The following MCTP1 variants were observed in gnomAD, a reference collection of about 807,000 sequenced individuals.
The protein encoded by MCTP1 is multiple C2 and transmembrane domain-containing protein 1.
In MCTP1, 69 loss-of-function variants were observed where a neutral mutation model predicts 120.6. The observed-to-expected ratio is 0.57, with a 90% CI of 0.47 to 0.70. MCTP1 has a LOEUF of 0.70. MCTP1 is among the 30% of genes least tolerant of loss of function. MCTP1 has a pLI of 0.00. For missense variants in MCTP1, 1,203 were observed against 1,248.8 expected (o/e 0.96, Z 0.55); for synonymous variants, 529 against 493.1 (o/e 1.07, Z -0.96).
intron 19 of MCTP1, among the ~76,000 whole-genome samples, chr5:94,763,334 T>C (rs1046452639): frequency 6.6e-6 from 1 of 152,214 alleles, no homozygotes; most frequent in African/African-American, 2.4e-5. Context: ...GTCCAAAGCC[T>C]TCACAATCTT....
At chr5:94,906,107 AT>A (rs1399101226) in intron 10 of MCTP1, among the ~76,000 whole-genome samples, 1 of 152,152 alleles carries the variant, frequency 6.6e-6, no homozygotes, top group African/African-American at 2.4e-5. Context: ...GAATTGAACA[AT>A]GTGGTGGGCT....
At chr5:94,959,005 G>C (rs1461139279) in intron 2 of MCTP1, among the ~76,000 whole-genome samples, 1 of 152,162 alleles carries the variant, frequency 6.6e-6, no homozygotes, top group Non-Finnish European at 1.5e-5. Context: ...GATGAACATT[G>C]ATGTGAAAAT....
chr5:94,802,114 G>GA (rs1406925460), intron 17 of MCTP1, among the ~76,000 whole-genome samples: 2 of 152,122 alleles, frequency 1.3e-5, no homozygotes, highest in Non-Finnish European at 2.9e-5. Context: ...TCTGGCAATA[G>GA]AAAAACCATC....
At chr5:94,973,278 T>C (rs1827306436) in intron 2 of MCTP1, among the ~76,000 whole-genome samples, 1 of 152,192 alleles carries the variant, frequency 6.6e-6, no homozygotes, top group Non-Finnish European at 1.5e-5. Context: ...CATCGTCATC[T>C]TTTCCGATCA....
intron 1 of MCTP1, among the ~76,000 whole-genome samples, chr5:95,030,058 A>G (rs892302126): frequency 2.6e-5 from 4 of 152,202 alleles, no homozygotes; most frequent in African/African-American, 9.6e-5. Flanking sequence ...TTCTCGCCTG[A>G]GCCCATTTTG....
intron 1 of MCTP1, among the ~76,000 whole-genome samples, chr5:95,234,363 A>G (rs747468773): frequency 4.6e-5 from 7 of 152,332 alleles, no homozygotes; most frequent in Non-Finnish European, 7.4e-5. Flanking sequence ...CTTTCCTCCC[A>G]GGGTGAATTT....
At chr5:95,278,962 CAA>C (rs113219166) in intron 1 of MCTP1, among the ~76,000 whole-genome samples, 163 of 80,898 alleles carry the variant, frequency 2.0e-3, no homozygotes, top group African/African-American at 5.8e-3. Context: ...AACTCCGTCT[CAA>C]AAAAAAAAAA....
chr5:94,989,162 C>T (rs955107196), intron 2 of MCTP1, among the ~76,000 whole-genome samples: 1 of 152,122 alleles, frequency 6.6e-6, no homozygotes, highest in African/African-American at 2.4e-5. Flanking sequence ...AACTTCTGGC[C>T]TCAAGCAATC....
chr5:95,143,322 C>G (rs1562178524), intron 1 of MCTP1, among the ~76,000 whole-genome samples: 1 of 152,180 alleles, frequency 6.6e-6, no homozygotes, highest in Non-Finnish European at 1.5e-5. Context: ...ACAAACAACA[C>G]ATCTTGCTGT....
At chr5:95,282,445 C>T (rs1360022828) in intron 1 of MCTP1, among the ~76,000 whole-genome samples, 4 of 152,134 alleles carry the variant, frequency 2.6e-5, no homozygotes, top group African/African-American at 9.7e-5. Flanking sequence ...TTCCCCAACT[C>T]TGAAATTCTT....
chr5:95,179,835 A>G (rs1337021676), intron 1 of MCTP1, among the ~76,000 whole-genome samples: 1 of 152,176 alleles, frequency 6.6e-6, no homozygotes, highest in African/African-American at 2.4e-5. Flanking sequence ...TCACATCTCA[A>G]TACAAATACA....
chr5:94,761,079 A>T (rs992244972), intron 19 of MCTP1, among the ~76,000 whole-genome samples: 1 of 152,216 alleles, frequency 6.6e-6, no homozygotes, highest in Non-Finnish European at 1.5e-5. Context: ...AACTGTTGGC[A>T]GTTTTAAATT....
At chr5:94,750,370 CTCCTT>C (rs1372511112) in intron 19 of MCTP1, among the ~76,000 whole-genome samples, 2 of 152,290 alleles carry the variant, frequency 1.3e-5, no homozygotes, top group African/African-American at 2.4e-5. Context: ...TTCTCATTCT[CTCCTT>C]TCATTATTTT....
chr5:95,276,719 G>A (rs1382201063), intron 1 of MCTP1, among the ~76,000 whole-genome samples: 1 of 151,722 alleles, frequency 6.6e-6, no homozygotes, highest in African/African-American at 2.4e-5. Context: ...GGAGGCGGCT[G>A]AGGCAGGTGG....
intron 1 of MCTP1, among the ~76,000 whole-genome samples, chr5:95,063,019 T>C (rs1396244684): frequency 6.6e-6 from 1 of 152,142 alleles, no homozygotes; most frequent in Non-Finnish European, 1.5e-5. Flanking sequence ...GGTCTCCCTA[T>C]GTTGCCCAGG....
At chr5:94,978,272 T>G (rs748712326) in intron 2 of MCTP1, among the ~76,000 whole-genome samples, 1 of 152,046 alleles carries the variant, frequency 6.6e-6, no homozygotes, top group Non-Finnish European at 1.5e-5. Context: ...ATGGTGCAGT[T>G]ACTGTGGAAA....
intron 2 of MCTP1, among the ~76,000 whole-genome samples, chr5:95,000,726 G>T (rs1281114423): frequency 6.6e-6 from 1 of 152,042 alleles, no homozygotes; most frequent in East Asian, 1.9e-4. Flanking sequence ...AGTTAAAAAA[G>T]ATTACAATGA....
chr5:95,091,296 T>C (rs769070751), intron 1 of MCTP1, among the ~76,000 whole-genome samples: 3 of 152,148 alleles, frequency 2.0e-5, no homozygotes, highest in Admixed American at 6.5e-5. Flanking sequence ...TTATAATACT[T>C]CTCTACTCAT....
intron 17 of MCTP1, among the ~76,000 whole-genome samples, chr5:94,799,963 G>T (rs1025018689): frequency 5.3e-5 from 8 of 152,056 alleles, no homozygotes; most frequent in African/African-American, 1.7e-4. Context: ...AATTCTCTGG[G>T]TCTATGGCTT....
Sources: allele counts gnomAD v4.1 joint callset (sites outside exome capture counted in the v4.1 genomes callset), GRCh38; gene constraint gnomAD v4.1.1; transcripts MANE v1.5; gene names NCBI Gene and HGNC (gene_info 2026-07-23, HGNC 2026-07-21).